GRM5: variants seen among roughly 807,000 people sequenced by gnomAD.
The protein encoded by GRM5 is glutamate metabotropic receptor 5.
Under a neutral mutation model 83.1 loss-of-function variants are expected in GRM5, and 19 were observed. That is an observed-to-expected ratio of 0.23 (90% CI 0.16 to 0.34). The LOEUF is 0.34. Ranked by LOEUF, GRM5 falls within the 10% of genes least tolerant of loss-of-function variation. The probability of loss-of-function intolerance (pLI) is 1.00; values close to 1 mark genes in which losing one functional copy is unlikely to be tolerated. For missense variants in GRM5, 1,160 were observed against 1,588.3 expected, an observed-to-expected ratio of 0.73 and a Z score of 4.58; for synonymous variants, 675 against 633.6, an observed-to-expected ratio of 1.07 and a Z score of -0.98.
At chr11:88,681,244 T>G (rs1040407450) in intron 3 of GRM5, among the ~76,000 whole-genome samples, 1 of 152,156 alleles carries the variant, frequency 6.6e-6, no homozygotes, top group Non-Finnish European at 1.5e-5. Flanking sequence ...TATTTCTCTC[T>G]TTCTGTTTAC....
At position 88,507,180 on chromosome 11, in the gene GRM5, TA is replaced by T. The variant is rs1449760442; in HGVS notation, c.*1411del. ...ACTCTAAATCTCTTTTCTGTAGTTT[TA>T]AAAAGTGACAGTATGAAGTGCACAA... is the stretch of plus-strand genomic sequence containing the variant. On this transcript the variant is annotated 3_prime_UTR_variant, in exon 10 of 10. Transcript: ENST00000305447. The T allele has an allele frequency of 6.6e-6, 1 of 152,200 alleles. No individual in the cohort carries two copies. The highest frequency in any genetic ancestry group is 1.5e-5 in the Non-Finnish European group (1 of 68,028). The allele number at this position is 152,200 out of a possible 1,614,324, so 9.4% of individuals were successfully genotyped here. A position where few individuals can be genotyped will look rare whatever the true frequency, so the allele number is the denominator to read the frequency against.
chr11:88,925,073 T>C (rs115850218), intron 2 of GRM5, among the ~76,000 whole-genome samples: 58 of 152,180 alleles, frequency 3.8e-4, no homozygotes, highest in African/African-American at 1.3e-3. Flanking sequence ...TATGTAGTTA[T>C]ATATAACTAC....
chr11:88,686,831 T>C (rs1176453610), intron 3 of GRM5, among the ~76,000 whole-genome samples: 1 of 152,074 alleles, frequency 6.6e-6, no homozygotes, highest in African/African-American at 2.4e-5. Context: ...CTCCTTTTCT[T>C]CCCAGTCTCA....
At chr11:88,787,286 G>C (rs887699941) in intron 3 of GRM5, among the ~76,000 whole-genome samples, 4 of 151,814 alleles carry the variant, frequency 2.6e-5, no homozygotes, top group African/African-American at 9.7e-5. Flanking sequence ...ACTATTCAAA[G>C]CAGAGGATGG....
chr11:88,970,981 C>G (rs759084612), intron 2 of GRM5, among the ~76,000 whole-genome samples: 38 of 152,140 alleles, frequency 2.5e-4, no homozygotes, highest in Admixed American at 4.6e-4. Flanking sequence ...AGCCAGTACA[C>G]CCAATATGGA....
At chr11:88,622,278 C>A (rs1360947622) in intron 4 of GRM5, among the ~76,000 whole-genome samples, 2 of 152,110 alleles carry the variant, frequency 1.3e-5, no homozygotes, top group East Asian at 3.9e-4. Context: ...CATTTTCTGC[C>A]CTTGCTTAGA....
At chr11:88,875,904 T>C (rs1944845650) in intron 2 of GRM5, among the ~76,000 whole-genome samples, 1 of 152,094 alleles carries the variant, frequency 6.6e-6, no homozygotes, top group African/African-American at 2.4e-5. Context: ...TGCTGTTCCA[T>C]TTTTAGAGCA....
intron 3 of GRM5, among the ~76,000 whole-genome samples, chr11:88,811,248 T>G (rs1412888499): frequency 6.6e-6 from 1 of 152,142 alleles, no homozygotes; most frequent in Non-Finnish European, 1.5e-5. Context: ...CAGAAGATTT[T>G]TTTTGGAAAA....
chr11:88,805,269 G>A (rs1943478978), intron 3 of GRM5, among the ~76,000 whole-genome samples: 1 of 152,124 alleles, frequency 6.6e-6, no homozygotes, highest in African/African-American at 2.4e-5. Flanking sequence ...TCGGCTCACT[G>A]CAACCTCCGC....
At chr11:89,052,929 T>C (rs1485066737) in intron 1 of GRM5, among the ~76,000 whole-genome samples, 1 of 152,186 alleles carries the variant, frequency 6.6e-6, no homozygotes, top group Non-Finnish European at 1.5e-5. Context: ...AGTTAAAAAC[T>C]AGCTGATCAC....
chr11:88,815,437 T>C (rs1224658328), intron 3 of GRM5, among the ~76,000 whole-genome samples: 6 of 152,188 alleles, frequency 3.9e-5, no homozygotes, highest in Non-Finnish European at 5.9e-5. Context: ...CATTATATGC[T>C]ATATTAGAAA....
intron 3 of GRM5, among the ~76,000 whole-genome samples, chr11:88,655,732 T>A (rs1159988120): frequency 6.6e-6 from 1 of 151,848 alleles, no homozygotes; most frequent in East Asian, 1.9e-4. Context: ...AAAACTATGA[T>A]GTTTTATTAT....
intron 2 of GRM5, among the ~76,000 whole-genome samples, chr11:88,909,832 A>C (rs1265907729): frequency 7.2e-5 from 11 of 152,082 alleles, no homozygotes; most frequent in Admixed American, 5.9e-4. Context: ...TACTGCAATA[A>C]TAGTCATTTT....
chr11:88,955,984 A>AT (rs1228509492), intron 2 of GRM5, among the ~76,000 whole-genome samples: 1 of 152,186 alleles, frequency 6.6e-6, no homozygotes, highest in Admixed American at 6.5e-5. Flanking sequence ...GTTACAAATT[A>AT]TTTTTTTAAA....
intron 3 of GRM5, among the ~76,000 whole-genome samples, chr11:88,758,861 A>C (rs142443343): frequency 3.3e-4 from 50 of 152,330 alleles, no homozygotes; most frequent in African/African-American, 1.2e-3. Flanking sequence ...GGTCACTTAC[A>C]AAGGGAAATC....
chr11:89,027,970 C>T (rs1182047844), intron 2 of GRM5, among the ~76,000 whole-genome samples: 3 of 152,086 alleles, frequency 2.0e-5, no homozygotes, highest in Non-Finnish European at 4.4e-5. Flanking sequence ...GAATTAGGCC[C>T]CCATTTGCCC....
chr11:88,864,605 T>C (rs926986046), intron 2 of GRM5, among the ~76,000 whole-genome samples: 2 of 152,098 alleles, frequency 1.3e-5, no homozygotes, highest in African/African-American at 4.8e-5. Context: ...AATACAATCA[T>C]GTCAACTGCA....
At chr11:88,854,172 T>C (rs1453524887) in intron 2 of GRM5, among the ~76,000 whole-genome samples, 1 of 151,638 alleles carries the variant, frequency 6.6e-6, no homozygotes, top group Non-Finnish European at 1.5e-5. Flanking sequence ...TATTCATTTT[T>C]GTACCGCTAA....
chr11:88,573,520 G>A (rs1046440067), intron 7 of GRM5, among the ~76,000 whole-genome samples: 1 of 152,078 alleles, frequency 6.6e-6, no homozygotes, highest in Non-Finnish European at 1.5e-5. Context: ...TGTATATTTT[G>A]GATAAAGGAA....
Sources: gnomAD v4.1 joint callset for allele counts (sites outside exome capture counted in the v4.1 genomes callset) on GRCh38, gnomAD v4.1.1 for gene constraint, MANE v1.5 for transcripts, NCBI Gene and HGNC (gene_info 2026-07-23, HGNC 2026-07-21) for gene names.